C10orf53: variants seen among roughly 807,000 people sequenced by gnomAD.
C10orf53 encodes UPF0728 protein C10orf53.
C10orf53 carries 8 observed loss-of-function variants against 9.4 expected under a neutral mutation model. The ratio of observed to expected loss-of-function variants is 0.85; its 90% CI spans 0.50 to 1.53. The LOEUF (loss-of-function observed/expected upper bound fraction) is 1.53. C10orf53 is among the 40% of genes most tolerant of loss of function. The probability of loss-of-function intolerance (pLI) is 0.00; values close to 1 mark genes in which losing one functional copy is unlikely to be tolerated. For synonymous variants in C10orf53, 48 were observed against 46.0 expected, an observed-to-expected ratio of 1.04 and a Z score of -0.18; for missense variants, 117 against 117.8, an observed-to-expected ratio of 0.99 and a Z score of 0.03.
downstream of C10orf53, among the ~76,000 whole-genome samples, chr10:49,701,588 T>C (rs1325610935): frequency 6.6e-6 from 1 of 152,136 alleles, no homozygotes; most frequent in Non-Finnish European, 1.5e-5. Context: ...TAAACCATAG[T>C]CTTTTCTCTG....
chr10:49,680,314 C>T (rs556370515), intron 1 of C10orf53, among the ~76,000 whole-genome samples: 2 of 152,208 alleles, frequency 1.3e-5, no homozygotes, highest in African/African-American at 2.4e-5. Context: ...CTAGGTGGTG[C>T]CATGGGAGCT....
At chr10:49,685,591 C>T (rs1270391940) in intron 1 of C10orf53, among the ~76,000 whole-genome samples, 1 of 152,184 alleles carries the variant, frequency 6.6e-6, no homozygotes, top group East Asian at 1.9e-4. Flanking sequence ...TATTGGTTCT[C>T]TTTCTCTGGA....
chr10:49,679,831 A>T, intron 1 of C10orf53, 37 bp downstream of exon 1: 1 of 1,503,482 alleles, frequency 6.7e-7, no homozygotes, highest in Non-Finnish European at 8.9e-7. Flanking sequence ...TGAGGGCCCC[A>T]GCCTCTGAGC....
At chr10:49,708,579 A>G (rs771608147) in exon 3 of C10orf53, 4 of 1,614,046 alleles carry the variant, frequency 2.5e-6, no homozygotes, top group Non-Finnish European at 3.4e-6. Flanking sequence ...TCACATGCTC[A>G]TTTCTGGACT....
At chr10:49,692,971 A>C (rs1840598778) in intron 1 of C10orf53, among the ~76,000 whole-genome samples, 1 of 152,226 alleles carries the variant, frequency 6.6e-6, no homozygotes, top group South Asian at 2.1e-4. Context: ...AAAGTTTCCC[A>C]TAATCTCACC....
intron 2 of C10orf53, among the ~76,000 whole-genome samples, chr10:49,703,449 A>G (rs180754450): frequency 6.6e-6 from 1 of 152,264 alleles, no homozygotes. Flanking sequence ...CTAGCTATGA[A>G]AAGGACCGAA....
exon 3 of C10orf53, chr10:49,708,373 C>T: frequency 1.2e-6 from 2 of 1,614,026 alleles, no homozygotes; most frequent in Non-Finnish European, 1.7e-6. Context: ...AAGCTCACCC[C>T]AAGTAGTGAC....
At chr10:49,686,148 C>G (rs950156457) in intron 1 of C10orf53, among the ~76,000 whole-genome samples, 1 of 152,104 alleles carries the variant, frequency 6.6e-6, no homozygotes, top group African/African-American at 2.4e-5. Context: ...TTATCAGTTC[C>G]CAAAATTAAT....
chr10:49,682,017 T>C (rs1232708255), intron 1 of C10orf53, among the ~76,000 whole-genome samples: 1 of 152,180 alleles, frequency 6.6e-6, no homozygotes, highest in Non-Finnish European at 1.5e-5. Context: ...TTCCTCCCCC[T>C]CTGATGAGCC....
intron 2 of C10orf53, chr10:49,708,321 C>G: frequency 6.2e-7 from 1 of 1,602,836 alleles, no homozygotes. Flanking sequence ...CTGTCTCCAT[C>G]TCTTGATGCT....
At chr10:49,693,414 G>A (rs1428511037) in intron 1 of C10orf53, among the ~76,000 whole-genome samples, 1 of 152,166 alleles carries the variant, frequency 6.6e-6, no homozygotes, top group East Asian at 1.9e-4. Context: ...ACTTTCATCA[G>A]CAGAGTAAGA....
At chr10:49,693,973 G>T (rs755308945) in intron 2 of C10orf53, 80 bp downstream of exon 2, 1 of 1,584,666 alleles carries the variant, frequency 6.3e-7, no homozygotes, top group South Asian at 1.1e-5. Context: ...AATGATCAGT[G>T]TATCATGCCT....
Position 49,696,160 on chromosome 10 carries a change from A to T in C10orf53, c.*1558A>T, listed in dbSNP as rs900291996. 6.6e-6 allele frequency: 1 copy of T among 152,150 alleles called. No individual in the cohort carries two copies. The highest frequency in any genetic ancestry group is 1.9e-4 in the East Asian group (1 of 5,198). The allele number at this position is 152,150 out of a possible 1,614,324, so 9.4% of individuals were successfully genotyped here. On this transcript the variant is annotated 3_prime_UTR_variant, in exon 3 of 3. Coordinates refer to ENST00000374111, the MANE Select transcript of C10orf53 (RefSeq NM_001042427.3). ...TGCACAATTTTGTAAGTTTTTAAAA[A>T]TTTTTCAACTTTTATTTTAGATACA...
chr10:49,688,699 C>A (rs1840552809), intron 1 of C10orf53, among the ~76,000 whole-genome samples: 1 of 151,670 alleles, frequency 6.6e-6, no homozygotes, highest in Admixed American at 6.6e-5. Context: ...CCACCTCCTG[C>A]AGTCCTTCAA....
chr10:49,708,844 C>T (rs916119446), exon 3 of C10orf53: 10 of 610,314 alleles, frequency 1.6e-5, no homozygotes, highest in East Asian at 9.0e-5. Context: ...AAGTTATGAT[C>T]GATGAACTAC....
At chr10:49,694,216 T>G (rs1017910813) in intron 2 of C10orf53, 3 of 578,632 alleles carry the variant, frequency 5.2e-6, no homozygotes, top group Admixed American at 3.3e-5. Context: ...TCTGTTATTA[T>G]TTGCTTTCGA....
intron 1 of C10orf53, among the ~76,000 whole-genome samples, chr10:49,687,462 G>A (rs1840539938): frequency 6.6e-6 from 1 of 152,190 alleles, no homozygotes; most frequent in African/African-American, 2.4e-5. Flanking sequence ...CAGAGGATAA[G>A]CACAAGGGCT....
exon 3 of C10orf53, chr10:49,709,698 C>A (rs954383811): frequency 6.6e-6 from 1 of 152,520 alleles, no homozygotes; most frequent in Admixed American, 6.5e-5. Flanking sequence ...CCTCACTCAC[C>A]TGTTCCCTGG....
intron 1 of C10orf53, among the ~76,000 whole-genome samples, chr10:49,692,343 GTCTC>G (rs2132881715): frequency 6.6e-6 from 1 of 152,348 alleles, no homozygotes; most frequent in South Asian, 2.1e-4. Context: ...TCCTTGCTGA[GTCTC>G]TTTCTGAAGT....
Sources: allele counts gnomAD v4.1 joint callset (sites outside exome capture counted in the v4.1 genomes callset), GRCh38; gene constraint gnomAD v4.1.1; transcripts MANE v1.5; gene names NCBI Gene and HGNC (gene_info 2026-07-23, HGNC 2026-07-21).